The following DNAJB11 variants were observed in gnomAD, a reference collection of about 807,000 sequenced individuals.
DNAJB11 encodes the protein dnaJ homolog subfamily B member 11.
A neutral mutation model predicts 47.2 loss-of-function variants in DNAJB11; 30 were observed. The ratio of observed to expected loss-of-function variants is 0.64; its 90% CI spans 0.48 to 0.86. The LOEUF (loss-of-function observed/expected upper bound fraction) is 0.86. Among genes scored for constraint, DNAJB11 ranks in the 40% least tolerant of loss-of-function variants. The pLI is 0.00. For synonymous variants in DNAJB11, 151 were observed against 159.9 expected, an observed-to-expected ratio of 0.94 and a Z score of 0.42; for missense variants, 357 against 440.2, an observed-to-expected ratio of 0.81 and a Z score of 1.69.
intron 6 of DNAJB11, 48 bp downstream of exon 6, chr3:186,582,125 CTGCT>C: frequency 7.0e-7 from 1 of 1,431,666 alleles, no homozygotes; most frequent in Non-Finnish European, 9.8e-7. Flanking sequence ...TTTTTGCTCT[CTGCT>C]TGTTTGTGAA....
At chr3:186,582,131 G>A (rs2108484513) in intron 6 of DNAJB11, 54 bp downstream of exon 6, 5 of 1,320,424 alleles carry the variant, frequency 3.8e-6, no homozygotes, top group Non-Finnish European at 5.4e-6. Flanking sequence ...CTCTCTGCTT[G>A]TTTGTGAATA....
chr3:186,571,540 G>C (rs1346650652), intron 1 of DNAJB11, among the ~76,000 whole-genome samples: 1 of 152,194 alleles, frequency 6.6e-6, no homozygotes, highest in Non-Finnish European at 1.5e-5. Flanking sequence ...GGAACAAGAA[G>C]ATCTTTAGAC....
chr3:186,584,390 G>A (rs1475470436), intron 8 of DNAJB11, 40 bp from the exon 9 acceptor site: 5 of 1,508,166 alleles, frequency 3.3e-6, no homozygotes, highest in Non-Finnish European at 4.4e-6. Flanking sequence ...TACTTCAGAT[G>A]TACCGCTCCT....
chr3:186,577,714 C>T lies in DNAJB11; in HGVS notation c.370C>T (p.Gln124Ter). ...CATGTTTGGAGGAACCCCTCGTCAG[C>T]AAGACAGAAATATTCCAAGAGGAAG... ...GFMFGGTPRQQDRNIPRGSDI... is the reference protein window; with the variant it reads ...GFMFGGTPRQ The change falls in exon 4 of 10, where the codon CAA (glutamine) becomes TAA (stop). Residue 124 changes from glutamine (Q) to a stop codon, truncating the protein, a stop_gained. Transcript: ENST00000265028. LOFTEE classifies it high-confidence loss of function. 1 of 1,605,446 alleles carries T rather than the reference C, an allele frequency of 6.2e-7. No individual in the cohort carries two copies. The highest frequency in any genetic ancestry group is 8.5e-7 in the Non-Finnish European group (1 of 1,176,166).
intron 4 of DNAJB11, chr3:186,579,003 G>A (rs1055986841): frequency 6.6e-6 from 1 of 152,186 alleles, no homozygotes; most frequent in African/African-American, 2.4e-5. Flanking sequence ...GATTGCTTGA[G>A]GCCAGGAGTT....
Position 186,582,774 on chromosome 3 carries a change from G to A in DNAJB11, c.740+1G>A. ...TACGGTTCCGAATCAAAGTTGTCAA[G>A]TAAGTAATCTAATTTTAGAGGTCTT... is the stretch of plus-strand genomic sequence containing the variant. On this transcript the variant is annotated splice_donor_variant, in intron 7 of 9. Transcript: ENST00000265028. LOFTEE classifies it high-confidence loss of function. The A allele has an allele frequency of 1.3e-6, 2 of 1,575,686 alleles. No individual in the cohort carries two copies. The highest frequency in any genetic ancestry group is 1.7e-6 in the Non-Finnish European group (2 of 1,158,306).
rs899346499 is a variant in DNAJB11, at chr3:186,571,031, G to A, written c.68+66G>A. On this transcript the variant is annotated intron_variant, in intron 1 of 9. Transcript: ENST00000265028. The stretch of plus-strand genomic sequence containing the variant: ...AGCCTTTGCTGGGGGGTGGGAGGGG[G>A]TGGGGGAAGTGGCATTGCCAGACTG... 1.8e-5 allele frequency: 19 copies of A among 1,041,028 alleles called. No individual in the cohort carries two copies. The African/African-American group carries it at 2.7e-4, about 15-fold the overall frequency. The allele number at this position is 1,041,028 out of a possible 1,614,324, so 64.5% of individuals were successfully genotyped here. A position where few individuals can be genotyped will look rare whatever the true frequency, so the allele number is the denominator to read the frequency against.
chr3:186,570,772 A>T lies in DNAJB11; in HGVS notation c.-126A>T, dbSNP rs1180322024. ...GGGGGCTAGCTAGCTGTCTCTGCGG[A>T]CCAAGGAGACCCCCGCGCCCCCCCG... On this transcript the variant is annotated 5_prime_UTR_variant, in exon 1 of 10. Transcript: ENST00000265028. 7 of 821,988 alleles carry T rather than the reference A, an allele frequency of 8.5e-6. No individual in the cohort carries two copies. Among genetic ancestry groups the T allele is most frequent in the African/African-American group, 5.3e-5 (3 of 56,872 alleles). The allele number at this position is 821,988 out of a possible 1,614,324, so 50.9% of individuals were successfully genotyped here.
intron 2 of DNAJB11, among the ~76,000 whole-genome samples, chr3:186,574,809 C>T (rs1418791297): frequency 6.6e-6 from 1 of 152,156 alleles, no homozygotes; most frequent in Non-Finnish European, 1.5e-5. Context: ...TACTTTGAAC[C>T]TCTCTTTTTC....
chr3:186,579,234 C>T (rs1715402078), intron 4 of DNAJB11: 1 of 152,128 alleles, frequency 6.6e-6, no homozygotes, highest in Admixed American at 6.5e-5. Context: ...TCTATCACTC[C>T]TACTTCTGTC....
At chr3:186,585,142 A>G (rs937379176) in intron 9 of DNAJB11, among the ~76,000 whole-genome samples, 1 of 152,204 alleles carries the variant, frequency 6.6e-6, no homozygotes, top group African/African-American at 2.4e-5. Flanking sequence ...ATGTGGGCCT[A>G]AAAGACAAGG....
At chr3:186,584,623 T>TGTGTGTG (rs1553850813) in intron 9 of DNAJB11, 34 bp downstream of exon 9, 23 of 364,508 alleles carry the variant, frequency 6.3e-5, no homozygotes, top group Middle Eastern at 8.2e-4. Flanking sequence ...GTGTGTGTGT[T>TGTGTGTG]TGTGTGTGTG....
At position 186,584,682 on chromosome 3, in the gene DNAJB11, C is replaced by T. The variant is rs1311346314; in HGVS notation, c.1012+93C>T. 5.5e-6 allele frequency: 7 copies of T among 1,268,148 alleles called. No homozygotes were observed. The South Asian group carries it at 1.1e-4, about 20-fold the overall frequency. 78.6% of individuals were successfully genotyped at this position (1,268,148 alleles called of 1,614,324 possible). A position where few individuals can be genotyped will look rare whatever the true frequency, so the allele number is the denominator to read the frequency against. On this transcript the variant is annotated intron_variant, in intron 9 of 9. Transcript: ENST00000265028. ...AAAAGGATGGCAATAGAAGAACTCTCCAGTGACATGAGACATCAATCATTA... is the reference window on the plus strand; with the variant it reads ...AAAAGGATGGCAATAGAAGAACTCTTCAGTGACATGAGACATCAATCATTA...
At chr3:186,575,650 C>T (rs1402839130) in intron 2 of DNAJB11, among the ~76,000 whole-genome samples, 190 bp from the exon 3 acceptor site, 1 of 152,178 alleles carries the variant, frequency 6.6e-6, no homozygotes, top group Admixed American at 6.5e-5. Flanking sequence ...GTGGAATGAA[C>T]AGTGCATCAA....
chr3:186,582,010 A>G lies in DNAJB11; in HGVS notation c.615A>G (p.Glu205=). ...ECPNVKLVNE[E]RTLEVEIEPG... ...TTTACCTCAGACTAGTGAATGAAGAACGAACGCTGGAAGTAGAAATAGAGC... is the reference window on the plus strand; with the variant it reads ...TTTACCTCAGACTAGTGAATGAAGAGCGAACGCTGGAAGTAGAAATAGAGC... Residue 205 remains glutamate, a synonymous_variant, in exon 6 of 10, where the codon GAA becomes GAG. Coordinates refer to ENST00000265028, the MANE Select transcript of DNAJB11 (RefSeq NM_016306.6). 2 of 1,613,740 alleles carry G rather than the reference A, an allele frequency of 1.2e-6. No homozygotes were observed. The highest frequency in any genetic ancestry group is 1.7e-6 in the Non-Finnish European group (2 of 1,179,740).
chr3:186,571,902 T>C (rs1715072963), intron 1 of DNAJB11, among the ~76,000 whole-genome samples, 193 bp from the exon 2 acceptor site: 1 of 152,252 alleles, frequency 6.6e-6, no homozygotes, highest in Non-Finnish European at 1.5e-5. Context: ...ATTACTTCAA[T>C]ATATAAGATT....
At chr3:186,571,021 G>GGA in intron 1 of DNAJB11, 56 bp downstream of exon 1, 8 of 1,003,440 alleles carry the variant, frequency 8.0e-6, no homozygotes, top group Admixed American at 5.7e-5. Context: ...TTGCTGGGGG[G>GGA]TGGGAGGGGG....
intron 1 of DNAJB11, 56 bp downstream of exon 1, chr3:186,571,021 G>GGGGGA: frequency 1.0e-6 from 1 of 1,003,452 alleles, no homozygotes; most frequent in Non-Finnish European, 1.4e-6. Context: ...TTGCTGGGGG[G>GGGGGA]TGGGAGGGGG....
intron 6 of DNAJB11, 36 bp downstream of exon 6, chr3:186,582,113 A>G: frequency 1.3e-6 from 2 of 1,534,200 alleles, no homozygotes; most frequent in Non-Finnish European, 1.8e-6. Context: ...GATTGTGATA[A>G]CTTTTTGCTC....
Sources: gnomAD v4.1 joint callset for allele counts (sites outside exome capture counted in the v4.1 genomes callset) on GRCh38, gnomAD v4.1.1 for gene constraint, MANE v1.5 for transcripts, NCBI Gene and HGNC (gene_info 2026-07-23, HGNC 2026-07-21) for gene names.